Variants in RDX observed in about 807,000 individuals in gnomAD.
RDX encodes deafness, autosomal recessive 24.
RDX carries 32 observed loss-of-function variants against 83.7 expected under a neutral mutation model. The ratio of observed to expected loss-of-function variants is 0.38; its 90% CI spans 0.29 to 0.51. The LOEUF is 0.51. RDX is among the 20% of genes least tolerant of loss of function. The probability of loss-of-function intolerance (pLI) is 0.87; values close to 1 mark genes in which losing one functional copy is unlikely to be tolerated. For missense variants in RDX, 600 were observed against 689.9 expected, an observed-to-expected ratio of 0.87 and a Z score of 1.46; for synonymous variants, 229 against 222.7, an observed-to-expected ratio of 1.03 and a Z score of -0.25.
At chr11:110,281,573 G>A (rs12226032) in intron 1 of RDX, among the ~76,000 whole-genome samples, 56,358 of 151,836 alleles carry the variant, frequency 0.37, 10,673 homozygotes, top group East Asian at 0.51. Context: ...GTGATCCGCC[G>A]GCCTTGGCCT....
At chr11:110,193,255 T>G (rs1863136652) in intron 15 of RDX, among the ~76,000 whole-genome samples, 1 of 151,956 alleles carries the variant, frequency 6.6e-6, no homozygotes, top group South Asian at 2.1e-4. Context: ...CCTAAGCAAA[T>G]TAACATAGGA....
At chr11:110,206,112 C>T (rs1863591909) in intron 14 of RDX, among the ~76,000 whole-genome samples, 1 of 151,810 alleles carries the variant, frequency 6.6e-6, no homozygotes. Flanking sequence ...AAAAAATTAG[C>T]TGGGTGTGGT....
intron 1 of RDX, among the ~76,000 whole-genome samples, chr11:110,292,838 G>T (rs1861299808): frequency 6.6e-6 from 1 of 152,106 alleles, no homozygotes; most frequent in Non-Finnish European, 1.5e-5. Context: ...TTTTTCTAAG[G>T]AGTTGGCAAA....
chr11:110,205,442 A>AAG (rs1359838760), intron 14 of RDX, among the ~76,000 whole-genome samples: 1 of 149,910 alleles, frequency 6.7e-6, no homozygotes, highest in Non-Finnish European at 1.5e-5. Flanking sequence ...AAAAAAAAAA[A>AAG]AAAAAAAAAA....
chr11:110,268,802 G>T (rs373940834), intron 3 of RDX, among the ~76,000 whole-genome samples: 1 of 151,692 alleles, frequency 6.6e-6, no homozygotes, highest in South Asian at 2.1e-4. Flanking sequence ...TTTTAGTGAG[G>T]CTGTCCTTTA....
intron 9 of RDX, among the ~76,000 whole-genome samples, chr11:110,250,701 G>A (rs539527113): frequency 1.3e-5 from 2 of 152,034 alleles, no homozygotes; most frequent in East Asian, 3.9e-4. Context: ...GAGGGGGTGG[G>A]GAATGGTCTT....
intron 4 of RDX, 74 bp from the exon 5 acceptor site, chr11:110,264,308 C>T (rs2134381203): frequency 1.9e-6 from 2 of 1,048,144 alleles, no homozygotes; most frequent in East Asian, 5.0e-5. Flanking sequence ...ACATCAAATT[C>T]TTTTTGGAAG....
chr11:110,229,142 C>T (rs1244031846), downstream of RDX, among the ~76,000 whole-genome samples: 3 of 151,896 alleles, frequency 2.0e-5, no homozygotes, highest in African/African-American at 7.2e-5. Context: ...TGACAAGAAA[C>T]TGTATCTTCC....
intron 1 of RDX, among the ~76,000 whole-genome samples, chr11:110,286,774 A>T (rs1235687268): frequency 6.6e-6 from 1 of 152,242 alleles, no homozygotes; most frequent in Non-Finnish European, 1.5e-5. Context: ...AGAACAGTAT[A>T]AACTGAATAA....
chr11:110,226,571 A>G (rs1565301729), downstream of RDX, among the ~76,000 whole-genome samples: 2 of 152,188 alleles, frequency 1.3e-5, no homozygotes, highest in Admixed American at 6.5e-5. Flanking sequence ...TTACACAACA[A>G]TGTGAATGTA....
intron 1 of RDX, among the ~76,000 whole-genome samples, chr11:110,283,150 T>G (rs1860832641): frequency 6.6e-6 from 1 of 152,182 alleles, no homozygotes; most frequent in South Asian, 2.1e-4. Flanking sequence ...GGTTTTGTCA[T>G]AAACTAATTT....
intron 2 of RDX, among the ~76,000 whole-genome samples, chr11:110,275,277 T>C (rs901953703): frequency 6.6e-6 from 1 of 152,224 alleles, no homozygotes; most frequent in Non-Finnish European, 1.5e-5. Context: ...TTAAGATTAC[T>C]AATCAGCTGA....
chr11:110,216,814 A>G (rs1366379093), intron 14 of RDX, among the ~76,000 whole-genome samples: 1 of 152,166 alleles, frequency 6.6e-6, no homozygotes, highest in East Asian at 1.9e-4. Context: ...CACTGCACTG[A>G]AATAGCTGAC....
rs1864629257 is a variant in RDX, at chr11:110,231,388, T to C, written c.*481A>G. ...CCATCATTTTAAACACTGCCTGATC[T>C]GTATGATGGTGGAATTATGGCTATG... is the stretch of plus-strand genomic sequence containing the variant. On this transcript the variant is annotated 3_prime_UTR_variant, in exon 14 of 14. Coordinates refer to ENST00000645495, the MANE Select transcript of RDX (RefSeq NM_002906.4). 5.0e-6 allele frequency: 1 copy of C among 200,116 alleles called. No individual in the cohort carries two copies. Among genetic ancestry groups the C allele is most frequent in the Non-Finnish European group, 1.0e-5 (1 of 96,872 alleles). 12.4% of individuals were successfully genotyped at this position (200,116 alleles called of 1,614,324 possible). A position where few individuals can be genotyped will look rare whatever the true frequency, so the allele number is the denominator to read the frequency against.
chr11:110,223,831 C>T (rs1019935533), intron 14 of RDX, among the ~76,000 whole-genome samples: 2 of 151,988 alleles, frequency 1.3e-5, no homozygotes, highest in African/African-American at 4.8e-5. Flanking sequence ...TTTCGGAGGC[C>T]GAGGTGGGCA....
rs948868930 is a variant in RDX, at chr11:110,264,193, G to C, written c.234C>G (p.Phe78Leu). 6.2e-7 allele frequency: 1 copy of C among 1,610,630 alleles called. No individual in the cohort carries two copies. Among genetic ancestry groups the C allele is most frequent in the East Asian group, 2.2e-5 (1 of 44,870 alleles). Residue 78 changes from phenylalanine (F) to leucine (L), a missense_variant, in exon 5 of 14, where the codon TTC becomes TTG. Transcript: ENST00000645495. ...QDVKKENPLQ[F>L]KFRAKFFPED... ...CAGGAAAGAATTTAGCTCTAAACTT[G>C]AACTGTAAAGGATTCTCTTTTTTAA... is the stretch of plus-strand genomic sequence containing the variant.
At chr11:110,287,099 A>C (rs1277512344) in intron 1 of RDX, 3 of 152,180 alleles carry the variant, frequency 2.0e-5, no homozygotes, top group Non-Finnish European at 4.4e-5. Flanking sequence ...TTCTATTAGA[A>C]ACAGTCTCTG....
In RDX at chr11:110,236,033, C is replaced by T. The variant is rs1864833742; in HGVS notation, c.1344+66G>A. The T allele has an allele frequency of 5.3e-6, 6 of 1,133,310 alleles. No individual in the cohort carries two copies. The South Asian group carries it at 7.4e-5, about 14-fold the overall frequency. 70.2% of individuals were successfully genotyped at this position (1,133,310 alleles called of 1,614,324 possible). On this transcript the variant is annotated intron_variant, in intron 12 of 13. Coordinates refer to ENST00000645495, the MANE Select transcript of RDX (RefSeq NM_002906.4). ...TGACAGTATCTTACACTTATCACTA[C>T]AAAGTCAGCATAATCCTGGGTATAA...
intron 1 of RDX, among the ~76,000 whole-genome samples, chr11:110,295,821 A>G (rs970378186): frequency 6.6e-6 from 1 of 152,234 alleles, no homozygotes; most frequent in African/African-American, 2.4e-5. Context: ...GAGAGCTGCA[A>G]CAGCAGCAGG....
Sources: allele counts gnomAD v4.1 joint callset (sites outside exome capture counted in the v4.1 genomes callset), GRCh38; gene constraint gnomAD v4.1.1; transcripts MANE v1.5; gene names NCBI Gene and HGNC (gene_info 2026-07-23, HGNC 2026-07-21).